Variants in ARHGEF10L observed in about 807,000 individuals in gnomAD.
ARHGEF10L encodes Rho guanine nucleotide exchange factor 10 like, also known as rho guanine nucleotide exchange factor 10-like protein.
A neutral mutation model predicts 141.2 loss-of-function variants in ARHGEF10L; 69 were observed. The observed-to-expected ratio is 0.49, with a 90% CI of 0.40 to 0.60. The LOEUF (loss-of-function observed/expected upper bound fraction) is 0.60. ARHGEF10L is among the 20% of genes least tolerant of loss of function. The probability of loss-of-function intolerance (pLI) is 0.00; values close to 1 mark genes in which losing one functional copy is unlikely to be tolerated. For synonymous variants in ARHGEF10L, 711 were observed against 718.5 expected, an observed-to-expected ratio of 0.99 and a Z score of 0.17; for missense variants, 1,482 against 1,734.3, an observed-to-expected ratio of 0.85 and a Z score of 2.58.
chr1:17,668,072 AG>A (rs1468735364), intron 26 of ARHGEF10L, among the ~76,000 whole-genome samples: 6 of 152,168 alleles, frequency 3.9e-5, no homozygotes, highest in African/African-American at 1.4e-4. Flanking sequence ...ACCAGTGGGG[AG>A]TTAGCAGGAG....
intron 2 of ARHGEF10L, 40 bp downstream of exon 2, chr1:17,580,672 T>C: frequency 6.2e-7 from 1 of 1,613,586 alleles, no homozygotes. Context: ...CATCCTTTCT[T>C]AGAAGGGGGC....
intron 27 of ARHGEF10L, 57 bp downstream of exon 27, chr1:17,687,804 G>A (rs2064740517): frequency 1.3e-6 from 2 of 1,512,624 alleles, no homozygotes; most frequent in Non-Finnish European, 1.8e-6. Flanking sequence ...TCCACGGCCA[G>A]GTAGTGGTGT....
At position 17,638,758 on chromosome 1, in the gene ARHGEF10L, G is replaced by A. The variant is rs547118547; in HGVS notation, c.2171+69G>A. On this transcript the variant is annotated intron_variant, in intron 20 of 28. Transcript: ENST00000361221. ...GGCTTCCAGTGGAGCAGGGGATCCGGAGAGGGTACCTGGAGCCCTCTTATT... is the reference window on the plus strand; with the variant it reads ...GGCTTCCAGTGGAGCAGGGGATCCGAAGAGGGTACCTGGAGCCCTCTTATT... The A allele has an allele frequency of 2.2e-4, 345 of 1,597,778 alleles. 2 individuals carry two copies. In the African/African-American group the frequency reaches 4.4e-3, roughly 20 times the overall value.
intron 28 of ARHGEF10L, 128 bp from the exon 29 acceptor site, chr1:17,696,720 G>A (rs1569908253): frequency 2.0e-6 from 2 of 982,732 alleles, no homozygotes; most frequent in Admixed American, 3.0e-5. Context: ...TTCGGGGGAG[G>A]TGCCAACATA....
chr1:17,632,818 A>G (rs1249825455), intron 16 of ARHGEF10L, among the ~76,000 whole-genome samples: 1 of 152,068 alleles, frequency 6.6e-6, no homozygotes, highest in African/African-American at 2.4e-5. Flanking sequence ...CTTTAACTCA[A>G]ATCTGTTTTG....
intron 9 of ARHGEF10L, chr1:17,618,619 C>A: frequency 1.1e-6 from 1 of 908,124 alleles, no homozygotes; most frequent in Non-Finnish European, 1.5e-6. Flanking sequence ...CCATTTCCTG[C>A]TGCCCACAGC....
At position 17,627,362 on chromosome 1, in the gene ARHGEF10L, G is replaced by T; in HGVS notation, c.1443G>T (p.Pro481=). ...DMLKNTPRGH[P]DRLSLQLALT... is the part of the protein sequence containing the mutation. ...TGAAGAACACCCCCAGGGGCCATCC[G>T]GACAGGCTGTCGCTGCAGCTGGCCC... The change falls in exon 15 of 29, where the codon CCG becomes CCT. Residue 481 remains proline, a synonymous_variant. Coordinates refer to ENST00000361221, the MANE Select transcript of ARHGEF10L (RefSeq NM_018125.4). The surrounding 1 kb of genome is among the most constrained non-coding windows in gnomAD (Gnocchi z 4.0). The T allele has an allele frequency of 1.2e-6, 2 of 1,614,084 alleles. No individual in the cohort carries two copies. Among genetic ancestry groups the T allele is most frequent in the Non-Finnish European group, 8.5e-7 (1 of 1,180,020 alleles).
chr1:17,536,130 C>T (rs1054313414), upstream of ARHGEF10L, among the ~76,000 whole-genome samples: 12 of 152,162 alleles, frequency 7.9e-5, no homozygotes, highest in African/African-American at 2.4e-4. Context: ...GCATTCCAGC[C>T]GAGGGCAAAG....
chr1:17,679,070 C>T lies in ARHGEF10L; in HGVS notation c.3010-8503C>T, dbSNP rs183724669. On this transcript the variant is annotated intron_variant, in intron 26 of 28. Coordinates refer to ENST00000361221, the MANE Select transcript of ARHGEF10L (RefSeq NM_018125.4). ...GCCACCAGTCTTGGAGCTGGCAGGA[C>T]GTCCATCGCTCCATCCCTTGCAGGC... 4.6e-5 allele frequency among the ~76,000 whole-genome samples: 7 copies of T among 152,332 alleles called. No individual in the cohort carries two copies. The East Asian group carries it at 7.7e-4, about 17-fold the overall frequency.
At chr1:17,608,124 G>A (rs2081345736) in intron 7 of ARHGEF10L, 147 bp downstream of exon 7, 2 of 897,074 alleles carry the variant, frequency 2.2e-6, no homozygotes, top group Admixed American at 4.0e-5. Flanking sequence ...GGTGAGAGGG[G>A]AGCCAGAAGC....
At chr1:17,626,710 C>T (rs184132935) in intron 14 of ARHGEF10L, among the ~76,000 whole-genome samples, 92 of 152,358 alleles carry the variant, frequency 6.0e-4, no homozygotes, top group Non-Finnish European at 1.2e-3. Flanking sequence ...CACCACCCAT[C>T]CCAGAACTTT....
At position 17,600,628 on chromosome 1, in the gene ARHGEF10L, T is replaced by G. The variant is rs183741352; in HGVS notation, c.258-1499T>G. On this transcript the variant is annotated intron_variant, in intron 4 of 28. Transcript: ENST00000361221. Reference sequence around the variant, plus strand: ...TGTGGATTTCATCAGTTTTCCTACTTATGTTTATTTTTTGACCCAGGATCC... The same window carrying G: ...TGTGGATTTCATCAGTTTTCCTACTGATGTTTATTTTTTGACCCAGGATCC... Among the ~76,000 whole-genome samples, 517 of 152,254 alleles carry G rather than the reference T, an allele frequency of 3.4e-3. 3 individuals are homozygous for G. Among genetic ancestry groups the G allele is most frequent in the Non-Finnish European group, 4.2e-3 (286 of 68,022 alleles).
At chr1:17,613,516 C>T (rs1456763116) in intron 8 of ARHGEF10L, among the ~76,000 whole-genome samples, 2 of 152,214 alleles carry the variant, frequency 1.3e-5, no homozygotes, top group Non-Finnish European at 2.9e-5. Flanking sequence ...TGAGTTCCAG[C>T]CCCAAGGGTG....
At chr1:17,550,505 T>C (rs1313729087) in intron 1 of ARHGEF10L, among the ~76,000 whole-genome samples, 2 of 151,958 alleles carry the variant, frequency 1.3e-5, no homozygotes, top group African/African-American at 4.8e-5. Context: ...TAGCCAGGTG[T>C]GGTGGCGGGC....
chr1:17,668,765 A>G (rs1304313784), intron 26 of ARHGEF10L, among the ~76,000 whole-genome samples: 1 of 152,194 alleles, frequency 6.6e-6, no homozygotes, highest in Non-Finnish European at 1.5e-5. Context: ...TTCAGTACAC[A>G]CAACCATTCG....
intron 1 of ARHGEF10L, among the ~76,000 whole-genome samples, chr1:17,567,438 C>T (rs2077805374): frequency 6.6e-6 from 1 of 152,186 alleles, no homozygotes; most frequent in African/African-American, 2.4e-5. Context: ...GCGATCTCGG[C>T]TCACTGTAAT....
At chr1:17,689,935 T>A (rs774605907) in intron 27 of ARHGEF10L, 2 of 435,840 alleles carry the variant, frequency 4.6e-6, no homozygotes, top group Admixed American at 5.2e-5. Flanking sequence ...CTGACTTTAC[T>A]GTGTTTCACA....
Position 17,640,845 on chromosome 1 carries a change from C to T in ARHGEF10L, c.2272+543C>T, listed in dbSNP as rs149011155. On this transcript the variant is annotated intron_variant, in intron 21 of 28. Coordinates refer to ENST00000361221, the MANE Select transcript of ARHGEF10L (RefSeq NM_018125.4). ...TACTATGTTTTTCTTCCTGTGCACCCCATGGTATGAATACAGATACATAAA... is the reference window on the plus strand; with the variant it reads ...TACTATGTTTTTCTTCCTGTGCACCTCATGGTATGAATACAGATACATAAA... Among the ~76,000 whole-genome samples, 146 of 152,268 alleles carry T rather than the reference C, an allele frequency of 9.6e-4. 1 individual carries two copies. The highest frequency in any genetic ancestry group is 6.8e-3 in the Middle Eastern group (2 of 294).
Position 17,603,569 on chromosome 1 carries a change from G to A in ARHGEF10L, c.411G>A (p.Glu137=). The A allele has an allele frequency of 6.2e-7, 1 of 1,613,502 alleles. No individual in the cohort carries two copies. Residue 137 remains glutamate (E), a synonymous_variant, in exon 6 of 29, where the codon GAG becomes GAA. Transcript: ENST00000361221. The surrounding 1 kb of genome is among the most constrained non-coding windows in gnomAD (Gnocchi z 4.8). ...TGATTTATGACGACGTCCCCTGCGA[G>A]AGCCCAGATGCGCATCAGCCCGGTA... ...EDVIYDDVPC[E]SPDAHQPGAE... is the part of the protein sequence containing the mutation.
Sources: allele counts gnomAD v4.1 joint callset (sites outside exome capture counted in the v4.1 genomes callset), GRCh38; gene constraint gnomAD v4.1.1; non-coding constraint Gnocchi (gnomAD v3.1); transcripts MANE v1.5; gene names NCBI Gene and HGNC (gene_info 2026-07-23, HGNC 2026-07-21).